The following PLCL2 variants were observed in gnomAD, a reference collection of about 807,000 sequenced individuals.
PLCL2 encodes inactive phospholipase C-like protein 2.
PLCL2 carries 4 observed loss-of-function variants against 79.6 expected under a neutral mutation model. The ratio of observed to expected loss-of-function variants is 0.05; its 90% confidence interval spans 0.02 to 0.11. The LOEUF is 0.11. PLCL2 is among the 10% of genes least tolerant of loss of function. The pLI is 1.00. For synonymous variants in PLCL2, 484 were observed against 457.7 expected, an observed-to-expected ratio of 1.06 and a Z score of -0.73; for missense variants, 895 against 1,291.0, an observed-to-expected ratio of 0.69 and a Z score of 4.70.
chr3:16,998,081 G>T (rs1388457154), intron 1 of PLCL2, among the ~76,000 whole-genome samples: 1 of 152,148 alleles, frequency 6.6e-6, no homozygotes, highest in Non-Finnish European at 1.5e-5. Flanking sequence ...CTTTGCCCCT[G>T]CATGCTGATG....
chr3:17,061,577 A>G (rs1419362186), intron 4 of PLCL2, among the ~76,000 whole-genome samples: 2 of 152,138 alleles, frequency 1.3e-5, no homozygotes, highest in Non-Finnish European at 2.9e-5. Flanking sequence ...TTTAAATTAT[A>G]AAGTATTTTG....
At chr3:16,999,462 T>G (rs1398163251) in intron 1 of PLCL2, among the ~76,000 whole-genome samples, 1 of 152,238 alleles carries the variant, frequency 6.6e-6, no homozygotes, top group Non-Finnish European at 1.5e-5. Flanking sequence ...CAGGATCTAA[T>G]GTACAGTGTA....
At chr3:16,904,531 C>T (rs1219034088) in intron 1 of PLCL2, among the ~76,000 whole-genome samples, 1 of 152,094 alleles carries the variant, frequency 6.6e-6, no homozygotes, top group East Asian at 1.9e-4. Flanking sequence ...AAGGCTTTGC[C>T]ATCAACATGA....
intron 3 of PLCL2, among the ~76,000 whole-genome samples, chr3:17,025,816 A>G (rs1036034042): frequency 6.6e-6 from 1 of 152,204 alleles, no homozygotes; most frequent in Non-Finnish European, 1.5e-5. Flanking sequence ...TTTGAAGCTC[A>G]TATTTTGTTG....
rs1159213297 is a variant in PLCL2, at chr3:17,039,226, ATGTTGCCTC to A, written c.3019-3645_3019-3637del. Among the ~76,000 whole-genome samples, 3 of 152,352 alleles carry A rather than the reference ATGTTGCCTC, an allele frequency of 2.0e-5. No homozygotes were observed. In the East Asian group the frequency reaches 5.8e-4, roughly 29 times the overall value. On this transcript the variant is annotated intron_variant, in intron 3 of 5. Transcript: ENST00000615277. ...CCCTGCTAGATCAGCTGGTGGCCCC[ATGTTGCCTC>A]TGCTGCATCCTCAGTGCCATGTGCA...
intron 5 of PLCL2, among the ~76,000 whole-genome samples, chr3:17,068,586 C>T (rs555738582): frequency 6.6e-6 from 1 of 152,238 alleles, no homozygotes; most frequent in East Asian, 1.9e-4. Flanking sequence ...TCTGCTATCT[C>T]TATGCATATC....
chr3:16,934,480 G>A (rs1448537285), intron 1 of PLCL2, among the ~76,000 whole-genome samples: 2 of 152,162 alleles, frequency 1.3e-5, no homozygotes, highest in Non-Finnish European at 2.9e-5. Flanking sequence ...GTATCTGTTG[G>A]CAGTCTGGAG....
chr3:16,900,841 T>C (rs9820209), intron 1 of PLCL2, among the ~76,000 whole-genome samples: 123,755 of 152,146 alleles, frequency 0.81, 50,683 homozygotes, highest in East Asian at 0.95. Flanking sequence ...TTACTCTCCA[T>C]GCCACTTGGG....
At chr3:16,912,099 G>A (rs146972449) in intron 1 of PLCL2, among the ~76,000 whole-genome samples, 327 of 152,264 alleles carry the variant, frequency 2.1e-3, no homozygotes, top group African/African-American at 7.5e-3. Context: ...TTCCAGAGAA[G>A]GGATACTTAA....
chr3:17,065,764 A>T (rs919917703), intron 4 of PLCL2, among the ~76,000 whole-genome samples: 1 of 151,996 alleles, frequency 6.6e-6, no homozygotes, highest in Admixed American at 6.6e-5. Flanking sequence ...CATCACTTGC[A>T]TTTTTCCTCC....
At chr3:16,917,567 T>C (rs1697026416) in intron 1 of PLCL2, among the ~76,000 whole-genome samples, 1 of 152,204 alleles carries the variant, frequency 6.6e-6, no homozygotes, top group Admixed American at 6.5e-5. Context: ...TGGGTACCTT[T>C]GCAGGGATAG....
intron 1 of PLCL2, among the ~76,000 whole-genome samples, chr3:16,980,783 G>T (rs1294906503): frequency 6.6e-6 from 1 of 152,206 alleles, no homozygotes; most frequent in Non-Finnish European, 1.5e-5. Context: ...GCCAAGGCAG[G>T]CTGCTGGGAG....
chr3:17,042,780 C>A, intron 3 of PLCL2, 94 bp from the exon 4 acceptor site: 1 of 839,866 alleles, frequency 1.2e-6, no homozygotes, highest in Non-Finnish European at 2.0e-6. Context: ...AATATCATCA[C>A]ATCAGCCTGT....
chr3:17,082,349 C>T (rs1033788283), intron 5 of PLCL2, among the ~76,000 whole-genome samples: 18 of 151,720 alleles, frequency 1.2e-4, no homozygotes, highest in African/African-American at 4.4e-4. Flanking sequence ...GAGGTTTCAC[C>T]GTGTACTCCT....
chr3:16,976,127 G>A (rs1350127360), intron 1 of PLCL2, among the ~76,000 whole-genome samples: 2 of 152,316 alleles, frequency 1.3e-5, no homozygotes, highest in South Asian at 2.1e-4. Context: ...GGCTCTAAAC[G>A]AAGCCACAGT....
At chr3:16,995,430 C>T (rs747356533) in intron 1 of PLCL2, among the ~76,000 whole-genome samples, 1 of 152,160 alleles carries the variant, frequency 6.6e-6, no homozygotes, top group Non-Finnish European at 1.5e-5. Flanking sequence ...ACTCTCAGGC[C>T]GCAGGGCCTT....
At chr3:17,072,071 C>T (rs920456244) in intron 5 of PLCL2, among the ~76,000 whole-genome samples, 1 of 152,150 alleles carries the variant, frequency 6.6e-6, no homozygotes, top group Non-Finnish European at 1.5e-5. Flanking sequence ...AGGTAATCTG[C>T]CCACCTCAGC....
chr3:16,966,214 G>C (rs932176631), intron 1 of PLCL2, among the ~76,000 whole-genome samples: 8 of 138,414 alleles, frequency 5.8e-5, no homozygotes, highest in African/African-American at 2.1e-4. Flanking sequence ...CTTATTGAGA[G>C]TTTTTAGCAT....
chr3:17,031,610 T>C (rs1034960700), intron 3 of PLCL2, among the ~76,000 whole-genome samples: 2 of 152,196 alleles, frequency 1.3e-5, no homozygotes, highest in African/African-American at 4.8e-5. Flanking sequence ...CAATTTATCA[T>C]GTGCTGTAAA....
Sources: gnomAD v4.1 joint callset for allele counts (sites outside exome capture counted in the v4.1 genomes callset) on GRCh38, gnomAD v4.1.1 for gene constraint, MANE v1.5 for transcripts, NCBI Gene and HGNC (gene_info 2026-07-23, HGNC 2026-07-21) for gene names.